The following MTSS2 variants were observed in gnomAD, a reference collection of about 807,000 sequenced individuals.
MTSS2 encodes the protein protein MTSS 2.
Under a neutral mutation model 67.1 loss-of-function variants are expected in MTSS2, and 27 were observed. The ratio of observed to expected loss-of-function variants is 0.40; its 90% CI spans 0.30 to 0.55. The LOEUF is 0.55. MTSS2 is among the 20% of genes least tolerant of loss of function. The pLI is 0.43. For synonymous variants in MTSS2, 624 were observed against 468.6 expected, an observed-to-expected ratio of 1.33 and a Z score of -4.28; for missense variants, 1,171 against 1,067.8, an observed-to-expected ratio of 1.10 and a Z score of -1.35.
rs1355893250 is a variant in MTSS2, at chr16:70,664,016, T to G, written c.1905A>C (p.Pro635=). 6.2e-7 allele frequency: 1 copy of G among 1,604,992 alleles called. No homozygotes were observed. The highest frequency in any genetic ancestry group is 8.5e-7 in the Non-Finnish European group (1 of 1,176,666). ...PLAPDLAKAS[P]KRLSLPNTAW... ...CTGTGTTGGGCAGGCTGAGCCTCTT[T>G]GGGGAGGCCTTGGCGAGGTCCGGTG... The change falls in exon 15 of 15, where the codon CCA becomes CCC. Residue 635 remains proline (P), a synonymous_variant. Transcript: ENST00000338779.
Position 70,662,186 on chromosome 16 carries a change from T to TTCTA in MTSS2, c.*1487_*1490dup, listed in dbSNP as rs920916427. The TTCTA allele has an allele frequency of 8.7e-6, 1 of 115,596 alleles. No individual in the cohort carries two copies. Among genetic ancestry groups the TTCTA allele is most frequent in the African/African-American group, 2.5e-5 (1 of 39,288 alleles). 7.2% of individuals were successfully genotyped at this position (115,596 alleles called of 1,614,324 possible). A position where few individuals can be genotyped will look rare whatever the true frequency, so the allele number is the denominator to read the frequency against. On this transcript the variant is annotated 3_prime_UTR_variant, in exon 15 of 15. Coordinates refer to ENST00000338779, the MANE Select transcript of MTSS2 (RefSeq NM_138383.3). ...CCTGGGAGGCTCAGACCCAGCTCCA[T>TTCTA]TCTATCAATCAATCAATCAATCATC...
chr16:70,666,460 C>A (rs2054183), intron 11 of MTSS2, among the ~76,000 whole-genome samples: 2 of 152,022 alleles, frequency 1.3e-5, no homozygotes, highest in Admixed American at 6.5e-5. Flanking sequence ...CATGTGTGAC[C>A]GGCAGGGTTC....
Position 70,679,865 on chromosome 16 carries a change from C to G in MTSS2, c.303G>C (p.Glu101Asp). The G allele has an allele frequency of 6.2e-7, 1 of 1,602,050 alleles. No individual in the cohort carries two copies. Among genetic ancestry groups the G allele is most frequent in the Non-Finnish European group, 8.5e-7 (1 of 1,179,192 alleles). The part of the protein sequence containing the change: ...KLRQFTNALL[E>D]SLINPLQERI... ...GCTCCTGCAGCGGGTTGATGAGGCT[C>G]TCCAGCAGTGCGCTGCGGAGGGCGG... Residue 101 changes from glutamate (E) to aspartate (D), a missense_variant, in exon 5 of 15, where the codon GAG becomes GAC. Glu to Asp is a conservative substitution (Grantham distance 45). Around this residue, in one of 2 missense-constraint regions of MTSS2, gnomAD observed 247 missense variants for 311.8 expected, o/e 0.79. Transcript: ENST00000338779.
Position 70,663,519 on chromosome 16 carries a change from T to C in MTSS2, c.*158A>G. 1 of 1,334,218 alleles carries C rather than the reference T, an allele frequency of 7.5e-7. No homozygotes were observed. Among genetic ancestry groups the C allele is most frequent in the East Asian group, 2.7e-5 (1 of 37,216 alleles). The allele number at this position is 1,334,218 out of a possible 1,614,324, so 82.6% of individuals were successfully genotyped here. A position where few individuals can be genotyped will look rare whatever the true frequency, so the allele number is the denominator to read the frequency against. On this transcript the variant is annotated 3_prime_UTR_variant, in exon 15 of 15. Coordinates refer to ENST00000338779, the MANE Select transcript of MTSS2 (RefSeq NM_138383.3). Reference sequence around the variant, plus strand: ...GCTAAGAAGTCACTTCCTGTTTAAATGCTGGAATCCAAGTGAGGTGTCTTT... The same window carrying C: ...GCTAAGAAGTCACTTCCTGTTTAAACGCTGGAATCCAAGTGAGGTGTCTTT...
At chr16:70,679,575 G>A in intron 6 of MTSS2, 55 bp downstream of exon 6, 1 of 1,523,890 alleles carries the variant, frequency 6.6e-7, no homozygotes, top group Non-Finnish European at 8.9e-7. Flanking sequence ...ACGGGGCGGT[G>A]GGGCTGTGGA....
intron 11 of MTSS2, among the ~76,000 whole-genome samples, chr16:70,672,904 T>C (rs960630415): frequency 1.3e-5 from 2 of 152,132 alleles, no homozygotes; most frequent in African/African-American, 4.8e-5. Context: ...CTCACACCTG[T>C]AATCCCAGCA....
intron 12 of MTSS2, 81 bp from the exon 13 acceptor site, chr16:70,665,177 T>G: frequency 6.8e-7 from 1 of 1,469,950 alleles, no homozygotes; most frequent in Non-Finnish European, 9.1e-7. Context: ...TGGCTGAGGC[T>G]CAGGGTGTCC....
chr16:70,677,780 G>A lies in MTSS2; in HGVS notation c.732+12C>T, dbSNP rs1483358775. On this transcript the variant is annotated intron_variant, in intron 9 of 14. Coordinates refer to ENST00000338779, the MANE Select transcript of MTSS2 (RefSeq NM_138383.3). Reference sequence around the variant, plus strand: ...CCCCTGGCCCTGGCCCTTGGCCAGAGGGCTCCCGCACCTGCTCGCTGGCGG... The same window carrying A: ...CCCCTGGCCCTGGCCCTTGGCCAGAAGGCTCCCGCACCTGCTCGCTGGCGG... 11 of 1,599,564 alleles carry A rather than the reference G, an allele frequency of 6.9e-6. No individual in the cohort carries two copies. Among genetic ancestry groups the A allele is most frequent in the African/African-American group, 5.3e-5 (4 of 74,858 alleles).
At chr16:70,674,612 G>C in intron 10 of MTSS2, 84 bp from the exon 11 acceptor site, 3 of 1,213,514 alleles carry the variant, frequency 2.5e-6, no homozygotes, top group Non-Finnish European at 2.3e-6. Flanking sequence ...AAACGAGGGT[G>C]GGGAAAGAGG....
At chr16:70,683,741 G>A (rs2053372001) in intron 1 of MTSS2, among the ~76,000 whole-genome samples, 1 of 152,150 alleles carries the variant, frequency 6.6e-6, no homozygotes, top group African/African-American at 2.4e-5. Flanking sequence ...CACGGGGCAA[G>A]CTCAGTCTCC....
At chr16:70,680,385 G>A (rs1036363595) in intron 3 of MTSS2, among the ~76,000 whole-genome samples, 2 of 152,176 alleles carry the variant, frequency 1.3e-5, no homozygotes, top group Non-Finnish European at 2.9e-5. Context: ...GCACGCCCAG[G>A]GCCCGAAGGA....
At chr16:70,674,244 G>A in intron 11 of MTSS2, 62 bp downstream of exon 11, 8 of 1,499,798 alleles carry the variant, frequency 5.3e-6, no homozygotes, top group African/African-American at 1.4e-5. Context: ...CATGTGGCTT[G>A]CCTGATGCTG....
At chr16:70,667,811 T>C (rs1281584796) in intron 11 of MTSS2, among the ~76,000 whole-genome samples, 2 of 151,674 alleles carry the variant, frequency 1.3e-5, no homozygotes, top group African/African-American at 4.8e-5. Context: ...AGGCTGAGGT[T>C]GCAATGAGCT....
chr16:70,665,830 C>T (rs1036431406), intron 11 of MTSS2: 32 of 291,746 alleles, frequency 1.1e-4, no homozygotes, highest in East Asian at 2.6e-4. Flanking sequence ...ATATGGCCAC[C>T]GAGGGGAAAA....
intron 11 of MTSS2, among the ~76,000 whole-genome samples, chr16:70,669,630 A>C (rs1277035116): frequency 6.6e-6 from 1 of 152,146 alleles, no homozygotes; most frequent in East Asian, 1.9e-4. Context: ...AGCCTGGCCA[A>C]CATGGTGAAA....
intron 9 of MTSS2, 117 bp downstream of exon 9, chr16:70,677,675 T>G (rs1051803264): frequency 1.3e-6 from 1 of 759,332 alleles, no homozygotes; most frequent in African/African-American, 1.7e-5. Context: ...TCTGGTCTTA[T>G]GCCCCTAGCT....
chr16:70,676,774 G>C, intron 10 of MTSS2, 107 bp downstream of exon 10: 1 of 938,676 alleles, frequency 1.1e-6, no homozygotes, highest in Non-Finnish European at 1.7e-6. Context: ...TAAAAGTTGT[G>C]AATTTTGAGG....
Position 70,662,177 on chromosome 16 carries a change from C to T in MTSS2, c.*1500G>A, listed in dbSNP as rs138474460. 1 of 134,454 alleles carries T rather than the reference C, an allele frequency of 7.4e-6. No individual in the cohort carries two copies. The highest frequency in any genetic ancestry group is 1.7e-5 in the Non-Finnish European group (1 of 57,840). 8.3% of individuals were successfully genotyped at this position (134,454 alleles called of 1,614,324 possible). On this transcript the variant is annotated 3_prime_UTR_variant, in exon 15 of 15. Transcript: ENST00000338779. ...GAGCTCAAGCCTGGGAGGCTCAGAC[C>T]CAGCTCCATTCTATCAATCAATCAA... is the stretch of plus-strand genomic sequence containing the variant.
intron 8 of MTSS2, 27 bp downstream of exon 8, chr16:70,678,225 T>A: frequency 6.3e-7 from 1 of 1,590,194 alleles, no homozygotes; most frequent in Non-Finnish European, 8.6e-7. Flanking sequence ...CCCACCCCTC[T>A]GGGGTCTGAG....
Sources: allele counts gnomAD v4.1 joint callset (sites outside exome capture counted in the v4.1 genomes callset), GRCh38; gene constraint gnomAD v4.1.1; regional missense constraint gnomAD v4.1.1; transcripts MANE v1.5; gene names NCBI Gene and HGNC (gene_info 2026-07-23, HGNC 2026-07-21).